The following PATJ variants were observed in gnomAD, a reference collection of about 807,000 sequenced individuals.
PATJ encodes PATJ crumbs cell polarity complex component.
PATJ carries 190 observed loss-of-function variants against 224.9 expected under a neutral mutation model. The observed-to-expected ratio is 0.84, with a 90% confidence interval of 0.75 to 0.95. The LOEUF (loss-of-function observed/expected upper bound fraction) is 0.95, where lower values mean the gene tolerates loss of function less well. Among genes scored for constraint, PATJ ranks in the 40% least tolerant of loss-of-function variants. The pLI is 0.00. For synonymous variants in PATJ, 769 were observed against 820.3 expected (o/e 0.94, Z 1.07); for missense variants, 2,121 against 2,270.3 (o/e 0.93, Z 1.34).
At chr1:62,153,039 GAA>G (rs532477880) in intron 42 of PATJ, among the ~76,000 whole-genome samples, 4 of 135,604 alleles carry the variant, frequency 2.9e-5, no homozygotes, top group African/African-American at 5.8e-5. Context: ...CTCAAAAAAA[GAA>G]AAAAAAAAGA....
In PATJ at chr1:61,821,323, C is replaced by T. The variant is rs560162911; in HGVS notation, c.1684-1622C>T. On this transcript the variant is annotated intron_variant, in intron 14 of 43. Transcript: ENST00000642238. ...CCTCCCAAAGTGTTGGGATTACAGG[C>T]GTGAGCTATCATGCCCGGCCGGAAA... Among the ~76,000 whole-genome samples, 20 of 152,266 alleles carry T rather than the reference C, an allele frequency of 1.3e-4. No individual in the cohort carries two copies. The East Asian group carries it at 3.1e-3, about 24-fold the overall frequency.
chr1:61,866,620 A>G (rs1386070505), intron 20 of PATJ, among the ~76,000 whole-genome samples: 3 of 151,622 alleles, frequency 2.0e-5, no homozygotes. Context: ...CATTTGTGTA[A>G]CGTTAAGTTA....
At chr1:62,002,144 C>G (rs1645810259) in intron 28 of PATJ, among the ~76,000 whole-genome samples, 1 of 152,122 alleles carries the variant, frequency 6.6e-6, no homozygotes, top group Non-Finnish European at 1.5e-5. Flanking sequence ...CCAGAGGCCC[C>G]AAACCTACCT....
chr1:62,154,661 AAAG>A (rs1315219286), intron 43 of PATJ, among the ~76,000 whole-genome samples: 15 of 151,494 alleles, frequency 9.9e-5, no homozygotes, highest in African/African-American at 2.2e-4. Context: ...AAAAAAAAAA[AAAG>A]AAAAGAGAGA....
chr1:61,978,662 T>A (rs1178179049), intron 27 of PATJ, among the ~76,000 whole-genome samples: 1 of 152,108 alleles, frequency 6.6e-6, no homozygotes, highest in East Asian at 1.9e-4. Context: ...GGTTAGTGCA[T>A]AAGAAAAATT....
At chr1:61,758,729 C>T (rs1645791743) in intron 1 of PATJ, among the ~76,000 whole-genome samples, 2 of 152,074 alleles carry the variant, frequency 1.3e-5, no homozygotes, top group Admixed American at 1.3e-4. Flanking sequence ...AAATGTTTTT[C>T]CTAAAGAAAG....
chr1:61,808,498 G>A lies in PATJ; in HGVS notation c.1651G>A (p.Ala551Thr). The A allele has an allele frequency of 1.9e-6, 3 of 1,608,256 alleles. No homozygotes were observed. Among genetic ancestry groups the A allele is most frequent in the Non-Finnish European group, 2.6e-6 (3 of 1,175,626 alleles). Residue 551 changes from alanine (A) to threonine (T), a missense_variant, in exon 14 of 44, where the codon GCA becomes ACA. Coordinates refer to ENST00000642238, the MANE Select transcript of PATJ (RefSeq NM_001350145.3). ...VMVATLDTQI[A>T]DDAELQKYSK... ...GGTTGCTACTTTGGACACACAGATT[G>A]CAGATGATGCTGAGTTACAGAAATA...
intron 41 of PATJ, among the ~76,000 whole-genome samples, chr1:62,135,184 G>T (rs1666694874): frequency 6.6e-6 from 1 of 152,014 alleles, no homozygotes; most frequent in African/African-American, 2.4e-5. Context: ...GCAGCCAGGG[G>T]TAAGAAAAGT....
chr1:61,924,534 T>A (rs1571316267), intron 26 of PATJ, among the ~76,000 whole-genome samples: 2 of 152,320 alleles, frequency 1.3e-5, no homozygotes, highest in East Asian at 3.9e-4. Context: ...GAGTTTGTGG[T>A]TTTTGTGAAA....
intron 17 of PATJ, among the ~76,000 whole-genome samples, chr1:61,839,477 A>C (rs1333004726): frequency 1.3e-5 from 2 of 152,162 alleles, no homozygotes; most frequent in Non-Finnish European, 2.9e-5. Flanking sequence ...AATGTTCAAT[A>C]ATGAAACAAT....
At chr1:61,813,462 T>G (rs953081743) in intron 14 of PATJ, among the ~76,000 whole-genome samples, 1 of 149,752 alleles carries the variant, frequency 6.7e-6, no homozygotes, top group Non-Finnish European at 1.5e-5. Flanking sequence ...GGCTTTGAGT[T>G]GAACACACTT....
intron 14 of PATJ, among the ~76,000 whole-genome samples, chr1:61,814,130 C>CTTTT (rs762502160): frequency 0.029 from 2,504 of 85,526 alleles, 49 homozygotes; most frequent in African/African-American, 0.033. Flanking sequence ...TTATTCTCTT[C>CTTTT]TTTTTTTTTT....
chr1:61,901,134 C>T (rs1466919393), intron 23 of PATJ, 148 bp from the exon 24 acceptor site: 1 of 406,444 alleles, frequency 2.5e-6, no homozygotes, highest in Non-Finnish European at 4.3e-6. Flanking sequence ...AATGTTGGAA[C>T]TAGGTATAAT....
chr1:61,782,963 A>C (rs917695474), intron 7 of PATJ, among the ~76,000 whole-genome samples: 1 of 152,214 alleles, frequency 6.6e-6, no homozygotes, highest in African/African-American at 2.4e-5. Context: ...AGGTTGTCAT[A>C]AATGATTGAC....
chr1:61,771,346 A>G, intron 5 of PATJ, 85 bp from the exon 6 acceptor site: 1 of 708,510 alleles, frequency 1.4e-6, no homozygotes, highest in Non-Finnish European at 2.3e-6. Context: ...GTAGTACCAT[A>G]GGCAACAAAC....
chr1:62,073,132 G>T (rs1426031161), intron 31 of PATJ: 1 of 985,240 alleles, frequency 1.0e-6, no homozygotes, highest in Non-Finnish European at 1.2e-6. Flanking sequence ...CTCTTCTGGG[G>T]TTGCGTGCGT....
Position 62,158,928 on chromosome 1 carries a change from G to A in PATJ, c.5503-1980G>A, listed in dbSNP as rs530770222. Among the ~76,000 whole-genome samples, 22 of 151,946 alleles carry A rather than the reference G, an allele frequency of 1.4e-4. 1 individual carries two copies. In the South Asian group the frequency reaches 2.9e-3, roughly 20 times the overall value. On this transcript the variant is annotated intron_variant, in intron 43 of 43. Transcript: ENST00000642238. ...CGCACCATTGCACTCCAGCCTGGGC[G>A]ACAAGAGTGAAACTCCTTCTCAAAA...
intron 29 of PATJ, among the ~76,000 whole-genome samples, chr1:62,019,338 C>T (rs984433213): frequency 1.3e-5 from 2 of 151,210 alleles, no homozygotes; most frequent in Non-Finnish European, 2.9e-5. Flanking sequence ...CCTGGCCAAG[C>T]CAACATGGTG....
At chr1:61,947,989 G>T (rs1679025255) in intron 27 of PATJ, among the ~76,000 whole-genome samples, 1 of 152,156 alleles carries the variant, frequency 6.6e-6, no homozygotes, top group Non-Finnish European at 1.5e-5. Context: ...AATAAATGGT[G>T]CTGGGAAAAC....
Sources: allele counts gnomAD v4.1 joint callset (sites outside exome capture counted in the v4.1 genomes callset), GRCh38; gene constraint gnomAD v4.1.1; transcripts MANE v1.5; gene names NCBI Gene and HGNC (gene_info 2026-07-23, HGNC 2026-07-21).